Variants in GUCY1A2 observed in about 807,000 individuals in gnomAD.
The protein encoded by GUCY1A2 is guanylate cyclase 1 soluble subunit alpha 2.
A neutral mutation model predicts 63.5 loss-of-function variants in GUCY1A2; 27 were observed. The ratio of observed to expected loss-of-function variants is 0.43; its 90% CI spans 0.31 to 0.59. The LOEUF (loss-of-function observed/expected upper bound fraction) is 0.59. GUCY1A2 is among the 20% of genes least tolerant of loss of function. The pLI is 0.11. For synonymous variants in GUCY1A2, 364 were observed against 343.5 expected (o/e 1.06, Z -0.66); for missense variants, 768 against 913.3 (o/e 0.84, Z 2.05).
chr11:106,855,932 T>C (rs918687178), intron 4 of GUCY1A2, among the ~76,000 whole-genome samples: 2 of 148,620 alleles, frequency 1.3e-5, no homozygotes, highest in African/African-American at 2.5e-5. Context: ...TTTATTTATT[T>C]ATTTATTTTT....
chr11:106,696,217 C>G (rs1862716381), intron 7 of GUCY1A2, among the ~76,000 whole-genome samples: 1 of 152,128 alleles, frequency 6.6e-6, no homozygotes, highest in Non-Finnish European at 1.5e-5. Context: ...CAATTTTGAC[C>G]TTTAACAGCC....
chr11:106,835,463 G>A (rs911545813), intron 4 of GUCY1A2, among the ~76,000 whole-genome samples: 3 of 151,680 alleles, frequency 2.0e-5, no homozygotes, highest in Non-Finnish European at 4.4e-5. Context: ...CAGAGTACCT[G>A]AGGGAGAGAA....
intron 3 of GUCY1A2, among the ~76,000 whole-genome samples, chr11:106,954,255 A>T (rs1860951715): frequency 6.6e-6 from 1 of 152,090 alleles, no homozygotes; most frequent in African/African-American, 2.4e-5. Flanking sequence ...TTTCTGCTTT[A>T]ATTTCATTAT....
intron 4 of GUCY1A2, among the ~76,000 whole-genome samples, chr11:106,882,717 CAT>C (rs1471737356): frequency 6.6e-6 from 1 of 151,938 alleles, no homozygotes; most frequent in East Asian, 1.9e-4. Flanking sequence ...GAAAGTTACA[CAT>C]GTCAAAAATA....
At chr11:106,720,030 T>C (rs1397578905) in intron 6 of GUCY1A2, among the ~76,000 whole-genome samples, 5 of 152,164 alleles carry the variant, frequency 3.3e-5, no homozygotes, top group Non-Finnish European at 7.4e-5. Flanking sequence ...GACACTGAAG[T>C]TATCAAAAAA....
intron 6 of GUCY1A2, among the ~76,000 whole-genome samples, chr11:106,727,504 G>A (rs112901809): frequency 5.9e-5 from 9 of 152,130 alleles, no homozygotes; most frequent in Admixed American, 1.3e-4. Context: ...GATCTTGGAA[G>A]AAAACCACAT....
At chr11:106,854,134 G>A (rs1294431520) in intron 4 of GUCY1A2, among the ~76,000 whole-genome samples, 1 of 152,218 alleles carries the variant, frequency 6.6e-6, no homozygotes, top group African/African-American at 2.4e-5. Context: ...GCCCCAGGCA[G>A]CATGCTTGGA....
intron 7 of GUCY1A2, among the ~76,000 whole-genome samples, chr11:106,704,584 G>T (rs915800785): frequency 1.3e-5 from 2 of 152,060 alleles, no homozygotes; most frequent in African/African-American, 2.4e-5. Flanking sequence ...ATTAAAAATA[G>T]GCGTTCTAAA....
chr11:106,946,296 C>A (rs1393328449), intron 3 of GUCY1A2, among the ~76,000 whole-genome samples: 1 of 151,938 alleles, frequency 6.6e-6, no homozygotes, highest in Non-Finnish European at 1.5e-5. Flanking sequence ...TGGAGTAGAA[C>A]TCTCCAAATA....
intron 6 of GUCY1A2, among the ~76,000 whole-genome samples, chr11:106,771,477 G>T (rs1313824454): frequency 1.3e-5 from 2 of 152,138 alleles, no homozygotes; most frequent in Non-Finnish European, 2.9e-5. Flanking sequence ...TCCTGGCATG[G>T]TGGCTCATGC....
intron 6 of GUCY1A2, among the ~76,000 whole-genome samples, chr11:106,754,838 A>T (rs1485583464): frequency 6.6e-6 from 1 of 152,096 alleles, no homozygotes; most frequent in Non-Finnish European, 1.5e-5. Flanking sequence ...TGTCTCTGCC[A>T]GGTTTTGGTA....
chr11:106,761,040 C>T, intron 6 of GUCY1A2, among the ~76,000 whole-genome samples: 1 of 152,150 alleles, frequency 6.6e-6, no homozygotes, highest in East Asian at 1.9e-4. Flanking sequence ...CCTCAAAACA[C>T]ACTTTCCAAA....
At chr11:107,011,398 A>T (rs747730073) in intron 1 of GUCY1A2, among the ~76,000 whole-genome samples, 1 of 151,618 alleles carries the variant, frequency 6.6e-6, no homozygotes. Context: ...ACTAATGATG[A>T]CATAGATGGG....
chr11:106,859,131 G>A lies in GUCY1A2; in HGVS notation c.1207-48653C>T, dbSNP rs75135780. The stretch of plus-strand genomic sequence containing the variant: ...ACATTATGTAAAATTAATGAATTCA[G>A]ATTAAAATGAAGGGTAAGAGTGCAG... On this transcript the variant is annotated intron_variant, in intron 4 of 7. Coordinates refer to ENST00000526355, the MANE Select transcript of GUCY1A2 (RefSeq NM_000855.3). Among the ~76,000 whole-genome samples the A allele has an allele frequency of 8.1e-3, 1,236 of 152,016 alleles. 14 individuals carry two copies. Among genetic ancestry groups the A allele is most frequent in the African/African-American group, 0.028 (1,179 of 41,528 alleles).
chr11:106,825,950 TA>T (rs1218271878), intron 4 of GUCY1A2, among the ~76,000 whole-genome samples: 1 of 152,164 alleles, frequency 6.6e-6, no homozygotes, highest in Non-Finnish European at 1.5e-5. Flanking sequence ...ATATAAATAT[TA>T]GCAAACGAGA....
At chr11:106,695,268 T>A (rs1862697325) in intron 7 of GUCY1A2, among the ~76,000 whole-genome samples, 1 of 152,170 alleles carries the variant, frequency 6.6e-6, no homozygotes, top group African/African-American at 2.4e-5. Flanking sequence ...CTGAGTGATA[T>A]CTGGAAGCCA....
chr11:106,873,692 C>G (rs1445839661), intron 4 of GUCY1A2, among the ~76,000 whole-genome samples: 1 of 152,078 alleles, frequency 6.6e-6, no homozygotes, highest in African/African-American at 2.4e-5. Context: ...GGGTAGATTG[C>G]AAAAATTTTC....
chr11:106,818,916 A>T (rs1169130510), intron 4 of GUCY1A2, among the ~76,000 whole-genome samples: 5 of 152,124 alleles, frequency 3.3e-5, no homozygotes, highest in Non-Finnish European at 7.4e-5. Context: ...AGGCTGAGGG[A>T]GGTGAGGAAG....
chr11:106,901,768 T>C (rs1482484441), intron 4 of GUCY1A2, among the ~76,000 whole-genome samples: 2 of 152,020 alleles, frequency 1.3e-5, no homozygotes, highest in African/African-American at 4.8e-5. Context: ...TAGTTTGCTG[T>C]GAATGATGGT....
Sources: gnomAD v4.1 joint callset for allele counts (sites outside exome capture counted in the v4.1 genomes callset) on GRCh38, gnomAD v4.1.1 for gene constraint, MANE v1.5 for transcripts, NCBI Gene and HGNC (gene_info 2026-07-23, HGNC 2026-07-21) for gene names.